KAZN: variants seen among roughly 807,000 people sequenced by gnomAD.
KAZN encodes the protein kazrin, periplakin interacting protein.
Under a neutral mutation model 87.4 loss-of-function variants are expected in KAZN, and 40 were observed. The ratio of observed to expected loss-of-function variants is 0.46; its 90% confidence interval spans 0.36 to 0.60. The LOEUF (loss-of-function observed/expected upper bound fraction) is 0.60. KAZN is among the 20% of genes least tolerant of loss of function. KAZN has a pLI of 0.00. For synonymous variants in KAZN, 466 were observed against 458.3 expected, an observed-to-expected ratio of 1.02 and a Z score of -0.22; for missense variants, 898 against 1,073.9, an observed-to-expected ratio of 0.84 and a Z score of 2.29.
At chr1:14,638,363 G>A (rs1680155412) in intron 1 of KAZN, among the ~76,000 whole-genome samples, 1 of 152,212 alleles carries the variant, frequency 6.6e-6, no homozygotes, top group East Asian at 1.9e-4. Flanking sequence ...GAGGTCAGAA[G>A]CTTGAGACCA....
intron 1 of KAZN, among the ~76,000 whole-genome samples, chr1:13,998,288 C>T (rs1639618808): frequency 6.6e-6 from 1 of 152,072 alleles, no homozygotes; most frequent in Non-Finnish European, 1.5e-5. Context: ...ATATAAAGAC[C>T]AACGACACTA....
chr1:14,476,532 T>C (rs748665801), intron 2 of KAZN, among the ~76,000 whole-genome samples: 83 of 152,208 alleles, frequency 5.5e-4, no homozygotes, highest in Non-Finnish European at 1.0e-3. Flanking sequence ...CTGAACTGCA[T>C]GCAGCCAAGA....
intron 1 of KAZN, among the ~76,000 whole-genome samples, chr1:13,951,107 G>T (rs1289876963): frequency 1.3e-5 from 2 of 152,140 alleles, no homozygotes; most frequent in Non-Finnish European, 2.9e-5. Context: ...CGATACCATT[G>T]CATTGTCAGG....
chr1:14,069,358 A>G (rs1643151598), intron 1 of KAZN, among the ~76,000 whole-genome samples: 2 of 152,184 alleles, frequency 1.3e-5, no homozygotes, highest in Admixed American at 1.3e-4. Context: ...CTTCTACACA[A>G]CCGCGATTAT....
intron 2 of KAZN, among the ~76,000 whole-genome samples, chr1:14,204,583 T>C (rs994365848): frequency 2.6e-5 from 4 of 152,254 alleles, no homozygotes; most frequent in African/African-American, 4.8e-5. Context: ...TTTCTCTGGC[T>C]ATCCTATTTT....
intron 1 of KAZN, among the ~76,000 whole-genome samples, chr1:14,712,440 A>G (rs1270963262): frequency 6.6e-6 from 1 of 152,188 alleles, no homozygotes; most frequent in African/African-American, 2.4e-5. Flanking sequence ...GTTGATGCCA[A>G]CAATGCCGAA....
intron 2 of KAZN, among the ~76,000 whole-genome samples, chr1:14,467,674 C>CAAAAAAAAAAAAAAAAA (rs36034022): frequency 1.3e-5 from 1 of 77,344 alleles, no homozygotes; most frequent in African/African-American, 5.1e-5. Flanking sequence ...ATCCAAAAGG[C>CAAAAAAAAAAAAAAAAA]AAAAAAAAAA....
At chr1:14,231,146 A>G (rs369922043) in intron 2 of KAZN, among the ~76,000 whole-genome samples, 1 of 152,200 alleles carries the variant, frequency 6.6e-6, no homozygotes, top group African/African-American at 2.4e-5. Flanking sequence ...AAGGTTTATT[A>G]TTAGTTTCTT....
At chr1:14,452,873 G>A (rs1203702679) in intron 2 of KAZN, among the ~76,000 whole-genome samples, 2 of 152,188 alleles carry the variant, frequency 1.3e-5, no homozygotes, top group African/African-American at 4.8e-5. Flanking sequence ...ACAGGAGCCA[G>A]ACAAGCCACA....
chr1:13,987,854 CA>C (rs1430499923), intron 1 of KAZN, among the ~76,000 whole-genome samples: 6 of 152,168 alleles, frequency 3.9e-5, no homozygotes, highest in African/African-American at 1.4e-4. Context: ...GGGTAATTTA[CA>C]AAGAACAGAG....
At position 15,044,030 on chromosome 1, in the gene KAZN, C is replaced by T. The variant is rs757322157; in HGVS notation, c.597C>T (p.Asp199=). The part of the protein sequence containing the change: ...DAVKALAKEK[D]LLEREKWELR... ...TCAAAGCGCTGGCCAAGGAGAAGGA[C>T]CTGCTGGAGCGTGAGAAGTGGGAGC... Residue 199 remains aspartate (D), a synonymous_variant, in exon 4 of 15, where the codon GAC becomes GAT. Coordinates refer to ENST00000376030, the MANE Select transcript of KAZN (RefSeq NM_201628.3). 3 of 1,612,356 alleles carry T rather than the reference C, an allele frequency of 1.9e-6. No individual in the cohort carries two copies. The Admixed American group carries it at 5.0e-5, about 27-fold the overall frequency.
chr1:14,902,063 C>G (rs1009108604), intron 1 of KAZN, among the ~76,000 whole-genome samples: 1 of 152,020 alleles, frequency 6.6e-6, no homozygotes, highest in Non-Finnish European at 1.5e-5. Flanking sequence ...GACACAGGCA[C>G]CTAGCGAGGT....
chr1:14,084,875 A>T (rs1643805736), intron 1 of KAZN, among the ~76,000 whole-genome samples: 1 of 152,082 alleles, frequency 6.6e-6, no homozygotes, highest in South Asian at 2.1e-4. Context: ...AACTTAAAGT[A>T]TAATAAAAAA....
At chr1:14,000,528 CT>C (rs1412406188) in intron 1 of KAZN, among the ~76,000 whole-genome samples, 5 of 152,104 alleles carry the variant, frequency 3.3e-5, no homozygotes, top group Non-Finnish European at 1.5e-5. Flanking sequence ...TCTCAATAAA[CT>C]AGGCATTGAT....
At chr1:14,983,613 C>A (rs1666485246) in intron 2 of KAZN, among the ~76,000 whole-genome samples, 1 of 152,164 alleles carries the variant, frequency 6.6e-6, no homozygotes, top group Non-Finnish European at 1.5e-5. Flanking sequence ...AAATATGAAA[C>A]AAGTCACTGC....
intron 1 of KAZN, among the ~76,000 whole-genome samples, chr1:13,993,641 C>A (rs1224597117): frequency 6.6e-6 from 1 of 152,146 alleles, no homozygotes; most frequent in Admixed American, 6.5e-5. Context: ...AAGATCCCAG[C>A]CTTCGTGGAG....
At chr1:14,783,979 G>C (rs1158156865) in intron 1 of KAZN, among the ~76,000 whole-genome samples, 1 of 152,156 alleles carries the variant, frequency 6.6e-6, no homozygotes, top group Non-Finnish European at 1.5e-5. Context: ...CCCCTAAGAA[G>C]GGTTGTACCA....
chr1:15,040,315 G>A (rs139558080), intron 3 of KAZN, among the ~76,000 whole-genome samples: 9 of 152,332 alleles, frequency 5.9e-5, no homozygotes, highest in East Asian at 1.9e-4. Flanking sequence ...AACTGTGCCC[G>A]CTTAGTCTGC....
At chr1:14,135,171 A>T (rs529795878) in intron 1 of KAZN, among the ~76,000 whole-genome samples, 6 of 152,226 alleles carry the variant, frequency 3.9e-5, no homozygotes, top group African/African-American at 1.4e-4. Context: ...GCTGGACTGC[A>T]GTGGCAGCAG....
Sources: gnomAD v4.1 joint callset for allele counts (sites outside exome capture counted in the v4.1 genomes callset) on GRCh38, gnomAD v4.1.1 for gene constraint, MANE v1.5 for transcripts, NCBI Gene and HGNC (gene_info 2026-07-23, HGNC 2026-07-21) for gene names.